Variants in IMMP2L observed in about 807,000 individuals in gnomAD.
The protein encoded by IMMP2L is inner mitochondrial membrane peptidase subunit 2.
In IMMP2L, 18 loss-of-function variants were observed where a neutral mutation model predicts 19.3. That is an observed-to-expected ratio of 0.93 (90% CI 0.64 to 1.38). The LOEUF (loss-of-function observed/expected upper bound fraction) is 1.38. IMMP2L is among the 40% of genes most tolerant of loss of function. The pLI is 0.00. For synonymous variants in IMMP2L, 76 were observed against 73.0 expected (o/e 1.04, Z -0.21); for missense variants, 233 against 218.2 (o/e 1.07, Z -0.43).
intron 5 of IMMP2L, among the ~76,000 whole-genome samples, chr7:110,705,088 T>A (rs943087792): frequency 2.8e-5 from 4 of 141,714 alleles, no homozygotes; most frequent in African/African-American, 1.0e-4. Flanking sequence ...GAGATTAAAC[T>A]GGAAGCTTAC....
chr7:110,663,730 A>G lies in IMMP2L; in HGVS notation c.409-9T>C, dbSNP rs750368509. 6.5e-7 allele frequency: 1 copy of G among 1,550,158 alleles called. No individual in the cohort carries two copies. Among genetic ancestry groups the G allele is most frequent in the Non-Finnish European group, 8.7e-7 (1 of 1,149,456 alleles). On this transcript the variant is annotated splice_polypyrimidine_tract_variant and intron_variant, in intron 5 of 5. Coordinates refer to ENST00000405709, the MANE Select transcript of IMMP2L (RefSeq NM_032549.4). ...AGAAGTCCTAGGGAAACCTTAATTC[A>G]TGAGAAACAGAAAGAAAGCAATAAA...
chr7:110,730,644 C>A (rs1796207440), intron 5 of IMMP2L, among the ~76,000 whole-genome samples: 1 of 152,034 alleles, frequency 6.6e-6, no homozygotes, highest in South Asian at 2.1e-4. Flanking sequence ...CCTGCTTCAG[C>A]CTCCCCAGCA....
intron 5 of IMMP2L, among the ~76,000 whole-genome samples, chr7:110,735,616 A>G (rs1170605885): frequency 2.7e-5 from 4 of 149,704 alleles, no homozygotes; most frequent in African/African-American, 4.9e-5. Context: ...GCAACATGGC[A>G]AAACTCTGTG....
chr7:111,439,679 G>C (rs548380045), intron 3 of IMMP2L, among the ~76,000 whole-genome samples: 243 of 152,032 alleles, frequency 1.6e-3, no homozygotes, highest in Middle Eastern at 6.8e-3. Context: ...TGACTGACCA[G>C]GGTGGTGGTT....
intron 3 of IMMP2L, among the ~76,000 whole-genome samples, chr7:111,106,208 A>G (rs972508896): frequency 3.9e-5 from 6 of 151,904 alleles, no homozygotes; most frequent in African/African-American, 1.4e-4. Flanking sequence ...TTACTTCTCA[A>G]TTGGGAACTA....
chr7:110,962,972 A>C, intron 4 of IMMP2L: 1 of 1,470,408 alleles, frequency 6.8e-7, no homozygotes, highest in Non-Finnish European at 8.9e-7. Context: ...TACAATAAAT[A>C]CGACATTACT....
rs529316076 is a variant in IMMP2L at position 110,829,604 on chromosome 7, A to C, written c.408+56989T>G. On this transcript the variant is annotated intron_variant, in intron 5 of 5. Coordinates refer to ENST00000405709, the MANE Select transcript of IMMP2L (RefSeq NM_032549.4). ...CTTATTCTTAGAAAAACAAAAAAAC[A>C]AAAAAAGAGAGAAAAACCCCAAGCA... 2.1e-4 allele frequency among the ~76,000 whole-genome samples: 32 copies of C among 152,266 alleles called. 1 individual carries two copies. In the South Asian group the frequency reaches 6.4e-3, roughly 31 times the overall value.
At chr7:111,127,814 C>G (rs1280198624) in intron 3 of IMMP2L, among the ~76,000 whole-genome samples, 2 of 151,902 alleles carry the variant, frequency 1.3e-5, no homozygotes, top group African/African-American at 4.8e-5. Flanking sequence ...CACCTTGGCA[C>G]AAAAATAATT....
chr7:110,891,142 T>G (rs1294991367), intron 4 of IMMP2L, among the ~76,000 whole-genome samples: 1 of 151,714 alleles, frequency 6.6e-6, no homozygotes, highest in Non-Finnish European at 1.5e-5. Flanking sequence ...ATCCATGGTT[T>G]TCATTGTCTT....
chr7:110,890,312 T>C (rs1050774814), intron 4 of IMMP2L, among the ~76,000 whole-genome samples: 2 of 152,178 alleles, frequency 1.3e-5, no homozygotes, highest in African/African-American at 4.8e-5. Context: ...TAGTCTCTTG[T>C]ATATTTGAAT....
chr7:111,141,722 A>T (rs1802915260), intron 3 of IMMP2L, among the ~76,000 whole-genome samples: 1 of 151,862 alleles, frequency 6.6e-6, no homozygotes, highest in East Asian at 1.9e-4. Flanking sequence ...CAGGAGCTAG[A>T]GATGTTCATT....
At chr7:111,084,904 T>TC (rs1240096682) in intron 3 of IMMP2L, among the ~76,000 whole-genome samples, 2 of 152,184 alleles carry the variant, frequency 1.3e-5, no homozygotes, top group African/African-American at 2.4e-5. Flanking sequence ...GGTTCAGGAT[T>TC]AAAGGGATGA....
intron 3 of IMMP2L, among the ~76,000 whole-genome samples, chr7:111,358,417 C>T (rs1238888807): frequency 6.8e-6 from 1 of 146,680 alleles, no homozygotes; most frequent in African/African-American, 2.7e-5. Flanking sequence ...ACAAAAGTGA[C>T]TGATTCTGAC....
chr7:111,458,532 C>T (rs1287671144), intron 3 of IMMP2L, among the ~76,000 whole-genome samples: 1 of 152,106 alleles, frequency 6.6e-6, no homozygotes, highest in Non-Finnish European at 1.5e-5. Context: ...TCCTATCTTT[C>T]TCCTCTGCCT....
chr7:111,184,364 T>C (rs1399106053), intron 3 of IMMP2L, among the ~76,000 whole-genome samples: 1 of 152,070 alleles, frequency 6.6e-6, no homozygotes. Flanking sequence ...ACAAAAATTA[T>C]GTTGTACAGA....
intron 3 of IMMP2L, among the ~76,000 whole-genome samples, chr7:111,233,953 A>G (rs1048429734): frequency 6.6e-6 from 1 of 152,084 alleles, no homozygotes; most frequent in Non-Finnish European, 1.5e-5. Flanking sequence ...TTCTGTAGCT[A>G]AAATTTCTCC....
In IMMP2L at chr7:111,427,761, G is replaced by A. The variant is rs59395778; in HGVS notation, c.239+59477C>T. 8.6e-5 allele frequency among the ~76,000 whole-genome samples: 13 copies of A among 151,674 alleles called. 1 individual carries two copies. Among genetic ancestry groups the A allele is most frequent in the Admixed American group, 2.0e-4 (3 of 15,236 alleles). On this transcript the variant is annotated intron_variant, in intron 3 of 5. Coordinates refer to ENST00000405709, the MANE Select transcript of IMMP2L (RefSeq NM_032549.4). Reference sequence around the variant, plus strand: ...AAAATTAAGCACTCTTAATATTTACGACAGTATTAAATTATAAATCTAGCC... The same window carrying A: ...AAAATTAAGCACTCTTAATATTTACAACAGTATTAAATTATAAATCTAGCC...
intron 5 of IMMP2L, among the ~76,000 whole-genome samples, chr7:110,807,814 G>C (rs1397274709): frequency 2.6e-5 from 4 of 151,844 alleles, no homozygotes; most frequent in African/African-American, 9.7e-5. Flanking sequence ...ACAAAAACTG[G>C]CCCCCAGCTA....
intron 5 of IMMP2L, among the ~76,000 whole-genome samples, chr7:110,700,516 A>G (rs1018517080): frequency 1.3e-5 from 2 of 152,222 alleles, no homozygotes; most frequent in African/African-American, 4.8e-5. Context: ...CTGTTTGACC[A>G]GTAGTCAGAT....
Sources: allele counts gnomAD v4.1 joint callset (sites outside exome capture counted in the v4.1 genomes callset), GRCh38; gene constraint gnomAD v4.1.1; transcripts MANE v1.5; gene names NCBI Gene and HGNC (gene_info 2026-07-23, HGNC 2026-07-21).